POLA1: variants seen among roughly 807,000 people sequenced by gnomAD.
POLA1 encodes DNA polymerase alpha catalytic subunit.
In POLA1, 15 loss-of-function variants were observed where a neutral mutation model predicts 124.0. That is an observed-to-expected ratio of 0.12 (90% CI 0.08 to 0.19). The LOEUF (loss-of-function observed/expected upper bound fraction) is 0.19. Among genes scored for constraint, POLA1 ranks in the 10% least tolerant of loss-of-function variants. The pLI is 1.00. For synonymous variants in POLA1, 408 were observed against 389.4 expected (o/e 1.05, Z -0.56); for missense variants, 886 against 1,103.4 (o/e 0.80, Z 2.79).
chrX:24,754,321 G>A lies in POLA1; in HGVS notation c.2964+5329G>A, dbSNP rs775363672. Among the ~76,000 whole-genome samples, 4 of 109,080 alleles carry A rather than the reference G, an allele frequency of 3.7e-5. No homozygotes were observed. In the East Asian group the frequency reaches 1.1e-3, roughly 31 times the overall value. 94.7% of individuals were successfully genotyped at this position (109,080 alleles called of 115,157 possible). A position where few individuals can be genotyped will look rare whatever the true frequency, so the allele number is the denominator to read the frequency against. ...TGCCTAGGCTGGAGTGCAATGGCGTGATCTCGGCTCACCACAACCTCCACC... is the reference window on the plus strand; with the variant it reads ...TGCCTAGGCTGGAGTGCAATGGCGTAATCTCGGCTCACCACAACCTCCACC... On this transcript the variant is annotated intron_variant, in intron 26 of 36. Transcript: ENST00000379068.
In POLA1 at chrX:24,839,855, A is replaced by C. The variant is rs149241594; in HGVS notation, c.3737-1797A>C. 2.4e-4 allele frequency among the ~76,000 whole-genome samples: 27 copies of C among 112,292 alleles called. 1 individual carries two copies. Among genetic ancestry groups the C allele is most frequent in the African/African-American group, 8.7e-4 (27 of 30,951 alleles). On this transcript the variant is annotated intron_variant, in intron 32 of 36. Coordinates refer to ENST00000379068, the MANE Select transcript of POLA1 (RefSeq NM_001330360.2). ...ATCAAAACATTATGTGAATACTTGGATTCACAACTAGAGTTTGAATTAGCG... is the reference window on the plus strand; with the variant it reads ...ATCAAAACATTATGTGAATACTTGGCTTCACAACTAGAGTTTGAATTAGCG...
At chrX:24,938,969 T>G (rs1178794214) in intron 36 of POLA1, among the ~76,000 whole-genome samples, 1 of 112,651 alleles carries the variant, frequency 8.9e-6, no homozygotes, top group Non-Finnish European at 1.9e-5. Flanking sequence ...CAGATTCTAA[T>G]TATGTGTCTT....
intron 16 of POLA1, among the ~76,000 whole-genome samples, chrX:24,733,443 T>G (rs1931062358): frequency 8.9e-6 from 1 of 112,512 alleles, no homozygotes. Context: ...CGCTGTATGT[T>G]GCTTGCGGCA....
At chrX:24,985,672 G>A (rs1045656196) in intron 36 of POLA1, among the ~76,000 whole-genome samples, 3 of 112,395 alleles carry the variant, frequency 2.7e-5, no homozygotes, top group African/African-American at 9.7e-5. Flanking sequence ...TTGAGCACCA[G>A]CATGACGCTC....
intron 2 of POLA1, among the ~76,000 whole-genome samples, chrX:24,700,190 T>G (rs1469207670): frequency 9.2e-6 from 1 of 108,957 alleles, no homozygotes; most frequent in African/African-American, 3.3e-5. Flanking sequence ...CAACCATAAC[T>G]GATAGACTTT....
intron 36 of POLA1, among the ~76,000 whole-genome samples, chrX:24,966,581 T>C (rs770520277): frequency 7.1e-5 from 8 of 112,466 alleles, no homozygotes; most frequent in Non-Finnish European, 1.1e-4. Flanking sequence ...GATAACAATA[T>C]CTGAGTGCAT....
rs1249314206 is a variant in POLA1, at chrX:24,993,736, CAT to C, written c.4262-2066_4262-2065del. Among the ~76,000 whole-genome samples the C allele has an allele frequency of 7.2e-5, 8 of 111,766 alleles. No homozygotes were observed. In the Admixed American group the frequency reaches 7.6e-4, roughly 11 times the overall value. On this transcript the variant is annotated intron_variant, in intron 36 of 36. Coordinates refer to ENST00000379068, the MANE Select transcript of POLA1 (RefSeq NM_001330360.2). Reference sequence around the variant, plus strand: ...CAGTTCTGTTTCCTAGAAGACCTTCCATATGTTATTGATTAAATTCTCTTTGG... The same window carrying C: ...CAGTTCTGTTTCCTAGAAGACCTTCCATGTTATTGATTAAATTCTCTTTGG...
intron 19 of POLA1, among the ~76,000 whole-genome samples, chrX:24,738,092 A>C (rs967149034): frequency 1.9e-5 from 2 of 104,542 alleles, no homozygotes; most frequent in African/African-American, 7.7e-5. Context: ...GGGCGCCTGT[A>C]GTCCCAGCTA....
At chrX:24,958,283 A>G (rs927509764) in intron 36 of POLA1, among the ~76,000 whole-genome samples, 12 of 111,667 alleles carry the variant, frequency 1.1e-4, no homozygotes, top group African/African-American at 3.9e-4. Flanking sequence ...CCTTTGTAAG[A>G]TTCTTGTAAG....
At chrX:24,926,003 C>T (rs933792971) in intron 35 of POLA1, among the ~76,000 whole-genome samples, 4 of 110,439 alleles carry the variant, frequency 3.6e-5, no homozygotes, top group Non-Finnish European at 7.6e-5. Context: ...TCGAGACCAG[C>T]CTGAGCAATA....
intron 35 of POLA1, among the ~76,000 whole-genome samples, chrX:24,917,658 ATC>A (rs944545942): frequency 9.0e-6 from 1 of 111,469 alleles, no homozygotes; most frequent in African/African-American, 3.3e-5. Context: ...ATTACTGCTT[ATC>A]TCTCATTATG....
chrX:24,993,038 T>C (rs1379841079), intron 36 of POLA1, among the ~76,000 whole-genome samples: 1 of 112,295 alleles, frequency 8.9e-6, no homozygotes, highest in African/African-American at 3.2e-5. Flanking sequence ...ACAGAATATT[T>C]TTGGTAATTA....
chrX:24,963,342 G>A (rs1360260386), intron 36 of POLA1, among the ~76,000 whole-genome samples: 3 of 111,617 alleles, frequency 2.7e-5, no homozygotes, highest in African/African-American at 6.5e-5. Context: ...CAGAGCAGTC[G>A]CACAGGATTG....
At chrX:24,887,861 C>A in intron 34 of POLA1, 145 bp from the exon 35 acceptor site, 1 of 374,558 alleles carries the variant, frequency 2.7e-6, no homozygotes, top group Non-Finnish European at 4.7e-6. Flanking sequence ...ATCTAATTAA[C>A]ATGTCAGGAG....
rs11573326 is a variant in POLA1, at chrX:24,717,216, CGCCTTTGTGT to C, written c.707-53_707-44del. On this transcript the variant is annotated intron_variant, in intron 8 of 36. Transcript: ENST00000379068. ...TTTTAGTGTTGGATAAGCCTTTGTG[CGCCTTTGTGT>C]GCCTTTGTGTGCCTTTGTGTCATCG... The C allele has an allele frequency of 0.014, 12,266 of 886,537 alleles. 739 individuals carry two copies. The African/African-American group carries it at 0.19, about 13-fold the overall frequency. The allele number at this position is 886,537 out of a possible 1,213,427, so 73.1% of individuals were successfully genotyped here.
At chrX:24,797,426 C>T (rs1206952978) in intron 26 of POLA1, among the ~76,000 whole-genome samples, 2 of 111,584 alleles carry the variant, frequency 1.8e-5, no homozygotes, top group Non-Finnish European at 3.8e-5. Context: ...TCCCCTTATA[C>T]ATTATCTGTT....
At chrX:24,801,929 GTGTGTGTGTGTGTGTGTGT>G (rs1569317140) in intron 26 of POLA1, among the ~76,000 whole-genome samples, 3 of 93,576 alleles carry the variant, frequency 3.2e-5, no homozygotes, top group African/African-American at 1.2e-4. Flanking sequence ...GGGTGGGTGT[GTGTGTGTGTGTGTGTGTGT>G]GTGTGTGTGT....
At chrX:24,943,034 A>G (rs1481754446) in intron 36 of POLA1, among the ~76,000 whole-genome samples, 1 of 111,119 alleles carries the variant, frequency 9.0e-6, no homozygotes, top group Non-Finnish European at 1.9e-5. Context: ...TCCACTCTCC[A>G]CTCTCCACTG....
intron 36 of POLA1, among the ~76,000 whole-genome samples, chrX:24,982,155 C>G (rs1432769899): frequency 9.1e-6 from 1 of 109,627 alleles, no homozygotes; most frequent in Non-Finnish European, 1.9e-5. Flanking sequence ...GGGCATTATG[C>G]CAGTTCAGCA....
Sources: allele counts gnomAD v4.1 joint callset (sites outside exome capture counted in the v4.1 genomes callset), GRCh38; gene constraint gnomAD v4.1.1; transcripts MANE v1.5; gene names NCBI Gene and HGNC (gene_info 2026-07-23, HGNC 2026-07-21).